Variants in FAM184B observed in about 807,000 individuals in gnomAD.
FAM184B encodes family with sequence similarity 184 member B.
Under a neutral mutation model 135.9 loss-of-function variants are expected in FAM184B, and 111 were observed. That is an observed-to-expected ratio of 0.82 (90% CI 0.70 to 0.96). The LOEUF is 0.96. Among genes scored for constraint, FAM184B ranks in the 40% least tolerant of loss-of-function variants. The pLI is 0.00. For synonymous variants in FAM184B, 552 were observed against 524.8 expected (o/e 1.05, Z -0.71); for missense variants, 1,375 against 1,323.9 (o/e 1.04, Z -0.60).
At chr4:17,743,970 C>A (rs1313552912) in intron 1 of FAM184B, among the ~76,000 whole-genome samples, 1 of 152,184 alleles carries the variant, frequency 6.6e-6, no homozygotes, top group Non-Finnish European at 1.5e-5. Flanking sequence ...AGTCCGTTTC[C>A]AAGCTAATTC....
chr4:17,693,517 C>T, intron 5 of FAM184B, 105 bp from the exon 6 acceptor site: 1 of 798,938 alleles, frequency 1.3e-6, no homozygotes, highest in Non-Finnish European at 2.0e-6. Flanking sequence ...TTATGAGTGT[C>T]ATACAACACT....
intron 11 of FAM184B, among the ~76,000 whole-genome samples, chr4:17,648,826 A>G (rs759947374): frequency 3.3e-5 from 5 of 152,140 alleles, no homozygotes; most frequent in Non-Finnish European, 5.9e-5. Flanking sequence ...GTAAGGCCAG[A>G]AACTCGAGCT....
chr4:17,772,145 C>A lies in FAM184B; in HGVS notation c.141+9014G>T, dbSNP rs1335746473. Among the ~76,000 whole-genome samples, 7 of 152,116 alleles carry A rather than the reference C, an allele frequency of 4.6e-5. No individual in the cohort carries two copies. The East Asian group carries it at 1.3e-3, about 29-fold the overall frequency. On this transcript the variant is annotated intron_variant, in intron 1 of 17. Transcript: ENST00000265018. Reference sequence around the variant, plus strand: ...TTCTTATTTAATTCTAATTTATATTCATTAGTATAAAGAAGGGTGAAAAGT... The same window carrying A: ...TTCTTATTTAATTCTAATTTATATTAATTAGTATAAAGAAGGGTGAAAAGT...
intron 7 of FAM184B, among the ~76,000 whole-genome samples, chr4:17,666,717 A>T (rs537896405): frequency 6.6e-6 from 1 of 151,932 alleles, no homozygotes; most frequent in East Asian, 1.9e-4. Context: ...CTCACAATAC[A>T]TATCACGGCC....
intron 1 of FAM184B, among the ~76,000 whole-genome samples, chr4:17,737,120 G>T (rs1379076732): frequency 6.6e-6 from 1 of 151,884 alleles, no homozygotes; most frequent in Non-Finnish European, 1.5e-5. Flanking sequence ...CTCCAGCCTG[G>T]GCAACAAGAG....
In FAM184B at chr4:17,642,048, T is replaced by G. The variant is rs1446184582; in HGVS notation, c.2519+8A>C. On this transcript the variant is annotated splice_region_variant and intron_variant, in intron 13 of 17. Transcript: ENST00000265018. ...TGGCGCGGTGGCGGGGCGCGCCGGGTCACCCACCTGCGCTGGTCTCGGAGC... is the reference window on the plus strand; with the variant it reads ...TGGCGCGGTGGCGGGGCGCGCCGGGGCACCCACCTGCGCTGGTCTCGGAGC... The G allele has an allele frequency of 2.0e-6, 3 of 1,522,358 alleles. No individual in the cohort carries two copies. The highest frequency in any genetic ancestry group is 2.8e-5 in the African/African-American group (2 of 70,506). The allele number at this position is 1,522,358 out of a possible 1,614,324, so 94.3% of individuals were successfully genotyped here.
At position 17,629,881 on chromosome 4, in the gene FAM184B, A is replaced by T. The variant is rs1156744954; in HGVS notation, c.*2651T>A. On this transcript the variant is annotated 3_prime_UTR_variant, in exon 18 of 18. Coordinates refer to ENST00000265018, the MANE Select transcript of FAM184B (RefSeq NM_015688.2). ...AATTGTTAGAAACTTTCTGAATGGC[A>T]GTTTGGTAATAACAAACAAAAAGCT... The T allele has an allele frequency of 6.6e-6, 1 of 152,250 alleles. No homozygotes were observed. The highest frequency in any genetic ancestry group is 1.5e-5 in the Non-Finnish European group (1 of 68,042). 9.4% of individuals were successfully genotyped at this position (152,250 alleles called of 1,614,324 possible).
chr4:17,630,005 A>G lies in FAM184B; in HGVS notation c.*2527T>C, dbSNP rs1252954797. On this transcript the variant is annotated 3_prime_UTR_variant, in exon 18 of 18. Transcript: ENST00000265018. Reference sequence around the variant, plus strand: ...CAAAGATTTTGTTAACAAAGATATAATCATTGCAGGGTAGAATTTAGAAAT... The same window carrying G: ...CAAAGATTTTGTTAACAAAGATATAGTCATTGCAGGGTAGAATTTAGAAAT... 4 of 152,214 alleles carry G rather than the reference A, an allele frequency of 2.6e-5. No individual in the cohort carries two copies. The highest frequency in any genetic ancestry group is 1.3e-4 in the Admixed American group (2 of 15,284). 9.4% of individuals were successfully genotyped at this position (152,214 alleles called of 1,614,324 possible).
chr4:17,759,697 T>C (rs1276589680), intron 1 of FAM184B, among the ~76,000 whole-genome samples: 1 of 152,054 alleles, frequency 6.6e-6, no homozygotes, highest in African/African-American at 2.4e-5. Context: ...TGTTTCACCA[T>C]GTTGGCCAGG....
At position 17,702,094 on chromosome 4, in the gene FAM184B, C is replaced by T. The variant is rs137869227; in HGVS notation, c.1377+2906G>A. ...GCAGGTCCAGGTTCAGAGGTGGCAG[C>T]ATAGGTGTTCTAATTTGTTTTGCAA... On this transcript the variant is annotated intron_variant, in intron 5 of 17. Transcript: ENST00000265018. 4.1e-3 allele frequency among the ~76,000 whole-genome samples: 627 copies of T among 152,256 alleles called. 2 individuals carry two copies. Among genetic ancestry groups the T allele is most frequent in the African/African-American group, 0.014 (593 of 41,540 alleles).
intron 12 of FAM184B, among the ~76,000 whole-genome samples, chr4:17,647,033 T>C (rs546238637): frequency 1.3e-5 from 2 of 151,996 alleles, no homozygotes; most frequent in Non-Finnish European, 2.9e-5. Flanking sequence ...TCCAGAGGAG[T>C]AGCCCAGACC....
chr4:17,658,649 T>A, intron 9 of FAM184B, 87 bp from the exon 10 acceptor site: 1 of 1,271,044 alleles, frequency 7.9e-7, no homozygotes, highest in Non-Finnish European at 1.1e-6. Context: ...AAATGTTACC[T>A]CCATGCAGCT....
chr4:17,751,340 GA>G (rs1718287797), intron 1 of FAM184B, among the ~76,000 whole-genome samples: 1 of 147,740 alleles, frequency 6.8e-6, no homozygotes, highest in Admixed American at 6.8e-5. Context: ...CAGCACATAG[GA>G]AAAAGTACCC....
chr4:17,649,701 T>C (rs1715557990), intron 11 of FAM184B, among the ~76,000 whole-genome samples: 1 of 152,156 alleles, frequency 6.6e-6, no homozygotes, highest in Non-Finnish European at 1.5e-5. Context: ...TGAAAACTGT[T>C]ATCACAAGAT....
chr4:17,770,441 TTGTTG>T (rs760322460), intron 1 of FAM184B, among the ~76,000 whole-genome samples: 9,523 of 116,340 alleles, frequency 0.082, 587 homozygotes, highest in African/African-American at 0.22. Flanking sequence ...GAACTAGTTG[TTGTTG>T]TTGTTGTTGT....
intron 1 of FAM184B, among the ~76,000 whole-genome samples, chr4:17,749,590 C>G (rs1394560723): frequency 6.6e-6 from 1 of 151,564 alleles, no homozygotes; most frequent in Admixed American, 6.6e-5. Flanking sequence ...TTATTAGTGC[C>G]ATCTATATGG....
At chr4:17,728,976 G>A (rs1039878615) in intron 1 of FAM184B, among the ~76,000 whole-genome samples, 4 of 152,194 alleles carry the variant, frequency 2.6e-5, no homozygotes, top group Non-Finnish European at 5.9e-5. Flanking sequence ...AGCGCAAGGG[G>A]TCAGGGAGTT....
At position 17,688,139 on chromosome 4, in the gene FAM184B, C is replaced by T. The variant is rs77676807; in HGVS notation, c.1596+285G>A. On this transcript the variant is annotated intron_variant, in intron 7 of 17. Transcript: ENST00000265018. ...TCAAAGGCCCTGCTCGAGTTGAGTG[C>T]GCCCTTTATCCTCCAGGCAGGCTGC... Among the ~76,000 whole-genome samples the T allele has an allele frequency of 2.1e-3, 324 of 152,206 alleles. 4 individuals carry two copies. The East Asian group carries it at 0.031, about 14-fold the overall frequency.
intron 5 of FAM184B, among the ~76,000 whole-genome samples, chr4:17,704,619 T>C (rs1187603569): frequency 2.0e-5 from 3 of 152,220 alleles, no homozygotes; most frequent in Non-Finnish European, 2.9e-5. Flanking sequence ...GAGTGGGGAA[T>C]TGGATCCAGG....
Sources: gnomAD v4.1 joint callset for allele counts (sites outside exome capture counted in the v4.1 genomes callset) on GRCh38, gnomAD v4.1.1 for gene constraint, MANE v1.5 for transcripts, NCBI Gene and HGNC (gene_info 2026-07-23, HGNC 2026-07-21) for gene names.